GALNT13: variants seen among roughly 807,000 people sequenced by gnomAD.
GALNT13 encodes the protein polypeptide N-acetylgalactosaminyltransferase 13, also known as UDP-GalNAc:polypeptide N-acetylgalactosaminyltransferase 13.
Under a neutral mutation model 64.2 loss-of-function variants are expected in GALNT13, and 28 were observed. That is an observed-to-expected ratio of 0.44 (90% confidence interval 0.32 to 0.60). The LOEUF (loss-of-function observed/expected upper bound fraction) is 0.60, where lower values mean the gene tolerates loss of function less well. GALNT13 is among the 20% of genes least tolerant of loss of function. GALNT13 has a pLI of 0.05. For missense variants in GALNT13, 577 were observed against 669.8 expected, an observed-to-expected ratio of 0.86 and a Z score of 1.53; for synonymous variants, 214 against 224.6, an observed-to-expected ratio of 0.95 and a Z score of 0.42.
intron 4 of GALNT13, among the ~76,000 whole-genome samples, chr2:154,145,117 T>C (rs535530793): frequency 4.3e-5 from 6 of 139,588 alleles, no homozygotes; most frequent in East Asian, 5.9e-4. Flanking sequence ...TATATATATA[T>C]ATACACACAC....
At chr2:153,427,465 G>A in the GALNT13 span, among the ~76,000 whole-genome samples, 4 of 151,676 alleles carry the variant, frequency 2.6e-5, no homozygotes, top group Admixed American at 2.0e-4. Context: ...TAGAAGGAAG[G>A]GGAAAAATTA....
chr2:153,555,474 G>A, the GALNT13 span, among the ~76,000 whole-genome samples: 18 of 104,662 alleles, frequency 1.7e-4, 1 homozygote, highest in Admixed American at 1.6e-3. Context: ...GATTACAGGC[G>A]TGAGCCACCG....
the GALNT13 span, among the ~76,000 whole-genome samples, chr2:153,402,002 G>C: frequency 1.5e-3 from 223 of 146,702 alleles, 5 homozygotes; most frequent in East Asian, 6.0e-4. Context: ...CTCGTTAGTT[G>C]ATGCAGTTTC....
the GALNT13 span, chr2:153,159,525 A>T: frequency 6.6e-6 from 1 of 152,532 alleles, no homozygotes; most frequent in Non-Finnish European, 1.5e-5. Context: ...GAGGTAAAGA[A>T]TCACCTGTAC....
At chr2:153,435,884 G>A in the GALNT13 span, among the ~76,000 whole-genome samples, 6 of 152,008 alleles carry the variant, frequency 3.9e-5, no homozygotes, top group Admixed American at 3.9e-4. Flanking sequence ...AGTGGTGAGA[G>A]AGGGCATCCC....
chr2:153,708,589 G>C, the GALNT13 span, among the ~76,000 whole-genome samples: 1 of 152,054 alleles, frequency 6.6e-6, no homozygotes, highest in Non-Finnish European at 1.5e-5. Context: ...TAAATCAATG[G>C]TTGTCAGGAT....
chr2:153,817,229 A>T, the GALNT13 span, among the ~76,000 whole-genome samples: 1 of 152,202 alleles, frequency 6.6e-6, no homozygotes, highest in African/African-American at 2.4e-5. Flanking sequence ...AGAGGAGGAA[A>T]AACCTGACCA....
chr2:154,364,093 A>G (rs1371447037), intron 9 of GALNT13, among the ~76,000 whole-genome samples: 2 of 152,212 alleles, frequency 1.3e-5, no homozygotes, highest in African/African-American at 4.8e-5. Context: ...GACCAGAGGT[A>G]AGATACTGTT....
In GALNT13 at chr2:153,973,299, T is replaced by C. The variant is rs928996092; in HGVS notation, c.142+28660T>C. Among the ~76,000 whole-genome samples, 35 of 151,976 alleles carry C rather than the reference T, an allele frequency of 2.3e-4. 1 individual carries two copies. The highest frequency in any genetic ancestry group is 2.2e-3 in the Admixed American group (33 of 15,226). ...ACAACCTTGCTTTTGATCTCATTAA[T>C]TTTATATCTTTTTCTGAAATGTGTC... On this transcript the variant is annotated intron_variant, in intron 3 of 12. Transcript: ENST00000392825.
the GALNT13 span, among the ~76,000 whole-genome samples, chr2:153,399,608 G>A: frequency 6.6e-6 from 1 of 151,644 alleles, no homozygotes; most frequent in African/African-American, 2.4e-5. Flanking sequence ...CTTGAGCAGT[G>A]GTTTGTAGTT....
chr2:153,655,971 A>G, the GALNT13 span, among the ~76,000 whole-genome samples: 1 of 152,124 alleles, frequency 6.6e-6, no homozygotes, highest in Non-Finnish European at 1.5e-5. Flanking sequence ...GTCTTCACAT[A>G]CCAAAAATTC....
chr2:153,561,709 A>G, the GALNT13 span, among the ~76,000 whole-genome samples: 2 of 149,630 alleles, frequency 1.3e-5, no homozygotes, highest in African/African-American at 4.9e-5. Flanking sequence ...AAGACCTCCA[A>G]TTTATTGTGA....
chr2:154,002,476 T>C (rs1237805439), intron 3 of GALNT13, among the ~76,000 whole-genome samples: 1 of 151,994 alleles, frequency 6.6e-6, no homozygotes, highest in African/African-American at 2.4e-5. Flanking sequence ...AATTCATTTA[T>C]TGTATCTATA....
chr2:153,718,348 T>C, the GALNT13 span, among the ~76,000 whole-genome samples: 2 of 151,978 alleles, frequency 1.3e-5, no homozygotes, highest in Admixed American at 6.6e-5. Context: ...TTGGGTGCCC[T>C]TTAGTGTCTC....
chr2:154,391,363 A>C (rs1422557357), intron 9 of GALNT13, among the ~76,000 whole-genome samples: 1 of 152,214 alleles, frequency 6.6e-6, no homozygotes, highest in East Asian at 1.9e-4. Context: ...TGCTAATCAA[A>C]ATCTGGACTG....
At chr2:153,410,467 C>G in the GALNT13 span, among the ~76,000 whole-genome samples, 1 of 152,120 alleles carries the variant, frequency 6.6e-6, no homozygotes, top group Non-Finnish European at 1.5e-5. Context: ...GAGCTTTCAA[C>G]AAGCAATGAG....
the GALNT13 span, among the ~76,000 whole-genome samples, chr2:153,374,573 A>G: frequency 2.6e-5 from 4 of 152,076 alleles, no homozygotes; most frequent in South Asian, 8.3e-4. Flanking sequence ...GTTCAATCTA[A>G]TAGACCTATC....
In GALNT13 at chr2:154,444,869, A is replaced by G. The variant is rs546855757; in HGVS notation, c.1531-5542A>G. ...GATTTTGGAAATTCATTTTAGAGAA[A>G]TAGTTTATTTCTTAATAGTATGTTT... On this transcript the variant is annotated intron_variant, in intron 12 of 12. Coordinates refer to ENST00000392825, the MANE Select transcript of GALNT13 (RefSeq NM_052917.4). Among the ~76,000 whole-genome samples the G allele has an allele frequency of 6.6e-5, 10 of 152,216 alleles. No individual in the cohort carries two copies. In the South Asian group the frequency reaches 2.1e-3, roughly 32 times the overall value.
intron 1 of GALNT13, among the ~76,000 whole-genome samples, chr2:153,898,810 C>T (rs1574070368): frequency 7.7e-6 from 1 of 129,370 alleles, no homozygotes; most frequent in East Asian, 2.3e-4. Context: ...TGACAAAATA[C>T]AGTTTTTGAG....
Sources: allele counts gnomAD v4.1 joint callset (sites outside exome capture counted in the v4.1 genomes callset), GRCh38; gene constraint gnomAD v4.1.1; transcripts MANE v1.5; gene names NCBI Gene and HGNC (gene_info 2026-07-23, HGNC 2026-07-21).